PACS2: variants seen among roughly 807,000 people sequenced by gnomAD.
PACS2 encodes the protein PACS1-like protein.
A neutral mutation model predicts 113.0 loss-of-function variants in PACS2; 36 were observed. That is an observed-to-expected ratio of 0.32 (90% CI 0.24 to 0.42). The LOEUF (loss-of-function observed/expected upper bound fraction) is 0.42, where lower values mean the gene tolerates loss of function less well. Among genes scored for constraint, PACS2 ranks in the 10% least tolerant of loss-of-function variants. The pLI is 1.00. For missense variants in PACS2, 1,015 were observed against 1,239.5 expected, an observed-to-expected ratio of 0.82 and a Z score of 2.72; for synonymous variants, 589 against 536.1, an observed-to-expected ratio of 1.10 and a Z score of -1.36.
chr14:105,319,161 T>G (rs2058787821), intron 1 of PACS2, among the ~76,000 whole-genome samples: 2 of 151,564 alleles, frequency 1.3e-5, no homozygotes, highest in South Asian at 4.2e-4. Flanking sequence ...TTGGCCAGGA[T>G]GGTCTCGATC....
intron 5 of PACS2, 101 bp from the exon 6 acceptor site, chr14:105,367,973 G>A (rs1347861143): frequency 1.3e-6 from 1 of 777,100 alleles, no homozygotes; most frequent in Non-Finnish European, 2.3e-6. Flanking sequence ...CCACCTCCTC[G>A]CTGCCCCCAC....
rs1403975476 is a variant in PACS2, at chr14:105,348,266, G to T, written c.120-227G>T. On this transcript the variant is annotated intron_variant, in intron 1 of 24. Transcript: ENST00000447393. The surrounding 1 kb of genome is among the most constrained non-coding windows in gnomAD (Gnocchi z 6.4). ...ACCCTCAGGGGCCTTCAGGAGATGG[G>T]ACCTCTGGCCCGGCAGCCAACGGAT... 4.6e-5 allele frequency among the ~76,000 whole-genome samples: 7 copies of T among 152,308 alleles called. No individual in the cohort carries two copies. In the East Asian group the frequency reaches 1.2e-3, roughly 25 times the overall value.
At chr14:105,359,067 C>T (rs2060568192) in intron 4 of PACS2, among the ~76,000 whole-genome samples, 1 of 152,186 alleles carries the variant, frequency 6.6e-6, no homozygotes, top group Non-Finnish European at 1.5e-5. Context: ...TGTCCAGGGC[C>T]TGGTCACACA....
chr14:105,301,739 C>T (rs1385853894), intron 1 of PACS2, among the ~76,000 whole-genome samples: 1 of 152,244 alleles, frequency 6.6e-6, no homozygotes, highest in South Asian at 2.1e-4. Flanking sequence ...CCTCGCTGTG[C>T]CCCCTGCCCA....
intron 22 of PACS2, 22 bp downstream of exon 22, chr14:105,391,788 G>A: frequency 6.3e-7 from 1 of 1,575,362 alleles, no homozygotes; most frequent in Non-Finnish European, 8.6e-7. Flanking sequence ...TCACGGCTCA[G>A]CACGTTTCAC....
intron 24 of PACS2, 68 bp from the exon 25 acceptor site, chr14:105,394,486 G>A (rs2081478115): frequency 1.3e-6 from 2 of 1,594,140 alleles, no homozygotes; most frequent in Non-Finnish European, 1.7e-6. Context: ...TGGTGGGCCA[G>A]GCAGGCAGGT....
At chr14:105,334,049 G>A (rs2059407451) in intron 1 of PACS2, among the ~76,000 whole-genome samples, 6 of 152,240 alleles carry the variant, frequency 3.9e-5, no homozygotes, top group South Asian at 2.1e-4. Context: ...GGGGGTGGTC[G>A]TGGGGTGTCG....
rs1014017478 is a variant in PACS2, at chr14:105,384,205, G to A, written c.1781-148G>A. 8.3e-6 allele frequency: 5 copies of A among 599,110 alleles called. No individual in the cohort carries two copies. The East Asian group carries it at 8.4e-5, about 10-fold the overall frequency. The allele number at this position is 599,110 out of a possible 1,614,324, so 37.1% of individuals were successfully genotyped here. A position where few individuals can be genotyped will look rare whatever the true frequency, so the allele number is the denominator to read the frequency against. On this transcript the variant is annotated intron_variant, in intron 16 of 24. Transcript: ENST00000447393. ...GCATCCACCAGGGAGGGGCAGTGGT[G>A]GCTTTCTCTTTCGGTGGCAGGAAAG...
At chr14:105,328,459 C>T (rs994634928) in intron 1 of PACS2, among the ~76,000 whole-genome samples, 1 of 152,200 alleles carries the variant, frequency 6.6e-6, no homozygotes, top group Non-Finnish European at 1.5e-5. Flanking sequence ...CACGGACGCT[C>T]CAGCCGCTGG....
chr14:105,328,807 A>G (rs753743534), intron 1 of PACS2, among the ~76,000 whole-genome samples: 7 of 152,188 alleles, frequency 4.6e-5, no homozygotes, highest in Non-Finnish European at 1.0e-4. Flanking sequence ...AAAAGATTCC[A>G]GTGAATCTCT....
intron 12 of PACS2, 25 bp from the exon 13 acceptor site, chr14:105,381,889 C>T: frequency 6.5e-7 from 1 of 1,544,084 alleles, no homozygotes. Context: ...GCCACAGCCA[C>T]TTAGCCTGTC....
chr14:105,342,837 A>T (rs1388241901), intron 1 of PACS2, among the ~76,000 whole-genome samples: 1 of 150,102 alleles, frequency 6.7e-6, no homozygotes, highest in African/African-American at 2.4e-5. Context: ...CAGGAGGCTG[A>T]GGCAGGTGAA....
In PACS2 at chr14:105,315,252, G is replaced by A. The variant is rs1050597349; in HGVS notation, c.119+215G>A. On this transcript the variant is annotated intron_variant, in intron 1 of 24. Transcript: ENST00000447393. This position sits in a 1 kb window ranked among gnomAD's most constrained non-coding sequence, Gnocchi z 4.4. ...CCCCAGGTCCCGAGCACCGGGGGCC[G>A]CGCTCAGCTTCCGAGGACCCGGTGC... The A allele has an allele frequency of 5.9e-6, 1 of 170,888 alleles. No individual in the cohort carries two copies. Among genetic ancestry groups the A allele is most frequent in the Non-Finnish European group, 1.2e-5 (1 of 82,904 alleles). 10.6% of individuals were successfully genotyped at this position (170,888 alleles called of 1,614,324 possible). A position where few individuals can be genotyped will look rare whatever the true frequency, so the allele number is the denominator to read the frequency against.
chr14:105,328,370 G>C (rs1347170239), intron 1 of PACS2, among the ~76,000 whole-genome samples: 1 of 152,194 alleles, frequency 6.6e-6, no homozygotes, highest in Non-Finnish European at 1.5e-5. Context: ...ACCACCCACT[G>C]CCTCCTCTGG....
chr14:105,382,037 C>G lies in PACS2; in HGVS notation c.1392C>G (p.Ser464Arg), dbSNP rs1410234606. The change falls in exon 13 of 25, where the codon AGC becomes AGG. Residue 464 changes from serine to arginine, a missense_variant. Ser to Arg is a moderately radical substitution (Grantham distance 110). Transcript: ENST00000447393. ...ACGAGCGCTGCCCGGACGCCCGGAG[C>G]CAGCTACAGGTGCAGCTGCAGGTGG... is the stretch of plus-strand genomic sequence containing the variant. The part of the protein sequence containing the change: ...LDNERCPDAR[S>R]QLQVQLQIPR... 8.4e-6 allele frequency: 13 copies of G among 1,548,564 alleles called. No individual in the cohort carries two copies. In the Admixed American group the frequency reaches 2.6e-4, roughly 30 times the overall value.
intron 6 of PACS2, 130 bp downstream of exon 6, chr14:105,368,277 C>T (rs1278846099): frequency 3.7e-6 from 3 of 816,762 alleles, no homozygotes; most frequent in East Asian, 2.6e-5. Context: ...CCCTGGTTGG[C>T]CGCCCATCTC....
At chr14:105,327,169 G>T (rs936368264) in intron 1 of PACS2, among the ~76,000 whole-genome samples, 1 of 152,246 alleles carries the variant, frequency 6.6e-6, no homozygotes, top group Non-Finnish European at 1.5e-5. Context: ...GGGCCAAGGG[G>T]TATCTCACCA....
intron 4 of PACS2, among the ~76,000 whole-genome samples, chr14:105,359,674 C>G (rs1391268911): frequency 1.3e-5 from 2 of 151,444 alleles, no homozygotes; most frequent in African/African-American, 4.9e-5. Flanking sequence ...TCACTGCAAC[C>G]TCCACCTCCC....
intron 1 of PACS2, among the ~76,000 whole-genome samples, chr14:105,328,760 G>C (rs2059206731): frequency 6.6e-6 from 1 of 152,210 alleles, no homozygotes; most frequent in Admixed American, 6.5e-5. Flanking sequence ...TCTGTTAAGA[G>C]TGAAGAGGAA....
Sources: gnomAD v4.1 joint callset for allele counts (sites outside exome capture counted in the v4.1 genomes callset) on GRCh38, gnomAD v4.1.1 for gene constraint, Gnocchi (gnomAD v3.1) non-coding constraint, MANE v1.5 for transcripts, NCBI Gene and HGNC (gene_info 2026-07-23, HGNC 2026-07-21) for gene names.